Variants in PAICS observed in about 807,000 individuals in gnomAD.
The protein encoded by PAICS is bifunctional phosphoribosylaminoimidazole carboxylase/phosphoribosylaminoimidazole succinocarboxamide synthetase.
In PAICS, 33 loss-of-function variants were observed where a neutral mutation model predicts 53.7. The ratio of observed to expected loss-of-function variants is 0.61; its 90% CI spans 0.47 to 0.82. The LOEUF (loss-of-function observed/expected upper bound fraction) is 0.82, where lower values mean the gene tolerates loss of function less well. Ranked by LOEUF, PAICS falls within the 40% of genes least tolerant of loss-of-function variation. The pLI is 0.00. For synonymous variants in PAICS, 141 were observed against 167.2 expected, an observed-to-expected ratio of 0.84 and a Z score of 1.21; for missense variants, 394 against 494.1, an observed-to-expected ratio of 0.80 and a Z score of 1.92.
At chr4:56,419,551 C>A in the PAICS span, 1 of 424,912 alleles carries the variant, frequency 2.4e-6, no homozygotes, top group Non-Finnish European at 3.1e-6. Flanking sequence ...AATGTTGCAT[C>A]CAATTATTTA....
chr4:56,432,420 C>G (rs6811652), upstream of PAICS, among the ~76,000 whole-genome samples: 2 of 150,116 alleles, frequency 1.3e-5, no homozygotes, highest in Non-Finnish European at 3.0e-5. Context: ...CCCAGCTACT[C>G]GGGAGACAGG....
intron 1 of PAICS, among the ~76,000 whole-genome samples, chr4:56,439,332 G>T (rs894649420): frequency 6.6e-6 from 1 of 152,078 alleles, no homozygotes; most frequent in African/African-American, 2.4e-5. Flanking sequence ...CGCCTTTCAG[G>T]TTCAAGCGAT....
chr4:56,415,806 G>GT, the PAICS span, among the ~76,000 whole-genome samples: 2 of 152,180 alleles, frequency 1.3e-5, no homozygotes, highest in Admixed American at 6.5e-5. Flanking sequence ...GCTGGGCACA[G>GT]TGGCTCACAC....
At chr4:56,452,187 C>CTT in intron 7 of PAICS, 135 bp downstream of exon 7, 1 of 597,426 alleles carries the variant, frequency 1.7e-6, no homozygotes, top group Non-Finnish European at 2.9e-6. Flanking sequence ...ACTAGGCTTT[C>CTT]TTTTTTTTTG....
the PAICS span, chr4:56,420,017 T>C: frequency 1.0e-6 from 1 of 985,028 alleles, no homozygotes; most frequent in Non-Finnish European, 1.2e-6. Context: ...TCACAGAATG[T>C]GCCAACGTAA....
chr4:56,439,372 G>A (rs1210309224), intron 1 of PAICS, among the ~76,000 whole-genome samples: 1 of 152,122 alleles, frequency 6.6e-6, no homozygotes, highest in Non-Finnish European at 1.5e-5. Flanking sequence ...AAGTAGCAAG[G>A]ATTACAGGCG....
chr4:56,459,674 A>G lies in PAICS; in HGVS notation c.*136A>G. On this transcript the variant is annotated 3_prime_UTR_variant, in exon 9 of 9. Coordinates refer to ENST00000512576, the MANE Select transcript of PAICS (RefSeq NM_001079524.2). ...TGTATTAGTGAATAAATGCTTCTCT[A>G]GATCCATATTAATAAACATGAGCAT... The G allele has an allele frequency of 1.6e-6, 1 of 632,332 alleles. No individual in the cohort carries two copies. The highest frequency in any genetic ancestry group is 2.7e-6 in the Non-Finnish European group (1 of 371,372). 39.2% of individuals were successfully genotyped at this position (632,332 alleles called of 1,614,324 possible).
chr4:56,452,272 G>A (rs1001185917), intron 7 of PAICS, among the ~76,000 whole-genome samples: 1 of 151,968 alleles, frequency 6.6e-6, no homozygotes, highest in Non-Finnish European at 1.5e-5. Flanking sequence ...TCCACCTCCC[G>A]GGTTCACACC....
intron 7 of PAICS, among the ~76,000 whole-genome samples, chr4:56,453,106 A>C (rs1343298655): frequency 6.6e-6 from 1 of 152,244 alleles, no homozygotes; most frequent in African/African-American, 2.4e-5. Flanking sequence ...ATTATGTTAA[A>C]AAATGTATCA....
At chr4:56,430,132 C>T in the PAICS span, among the ~76,000 whole-genome samples, 1 of 152,098 alleles carries the variant, frequency 6.6e-6, no homozygotes, top group South Asian at 2.1e-4. Context: ...TATCCCATTA[C>T]TTTTTAAAAT....
the PAICS span, chr4:56,422,687 A>G: frequency 1.3e-5 from 2 of 152,092 alleles, no homozygotes; most frequent in African/African-American, 4.8e-5. Flanking sequence ...GTGCCCTCAT[A>G]ATGGGTTTTA....
chr4:56,416,875 A>G, the PAICS span, among the ~76,000 whole-genome samples: 3 of 152,114 alleles, frequency 2.0e-5, no homozygotes, highest in Admixed American at 2.0e-4. Context: ...TTTCTTTTCT[A>G]GTCTCACTCT....
chr4:56,448,350 G>A (rs1718725270), intron 3 of PAICS, 68 bp from the exon 4 acceptor site: 2 of 1,127,230 alleles, frequency 1.8e-6, no homozygotes, highest in Non-Finnish European at 2.5e-6. Context: ...TGAAAAGGAT[G>A]TTGGTTTTTC....
upstream of PAICS, chr4:56,435,951 C>A: frequency 6.6e-7 from 1 of 1,507,614 alleles, no homozygotes; most frequent in Non-Finnish European, 8.9e-7. Flanking sequence ...TTCTGAGTCG[C>A]TCCCGCAGCC....
chr4:56,446,410 T>G (rs1456523377), intron 2 of PAICS: 2 of 717,894 alleles, frequency 2.8e-6, no homozygotes, highest in Non-Finnish European at 5.2e-6. Flanking sequence ...TTTGTGTTTT[T>G]CATTTAGCCT....
chr4:56,419,274 T>A, the PAICS span, among the ~76,000 whole-genome samples: 5 of 152,208 alleles, frequency 3.3e-5, no homozygotes, highest in East Asian at 1.9e-4. Context: ...CTGTTTTCTA[T>A]AGTAAATGCT....
intron 2 of PAICS, chr4:56,446,444 T>C: frequency 1.4e-6 from 1 of 713,752 alleles, no homozygotes; most frequent in South Asian, 1.5e-5. Context: ...TTCATCCATA[T>C]TATATAGCAT....
chr4:56,417,642 T>C, the PAICS span, among the ~76,000 whole-genome samples: 4,064 of 152,060 alleles, frequency 0.027, 200 homozygotes, highest in African/African-American at 0.092. Flanking sequence ...ATAGTCCAGG[T>C]GCAGTCAGTG....
the PAICS span, chr4:56,410,568 T>C: frequency 1.0e-6 from 1 of 986,654 alleles, no homozygotes; most frequent in South Asian, 4.7e-5. Context: ...AAAGCTTTGC[T>C]AAGTGTCTGG....
Sources: gnomAD v4.1 joint callset for allele counts (sites outside exome capture counted in the v4.1 genomes callset) on GRCh38, gnomAD v4.1.1 for gene constraint, MANE v1.5 for transcripts, NCBI Gene and HGNC (gene_info 2026-07-23, HGNC 2026-07-21) for gene names.